Variants in PHF21A observed in about 807,000 individuals in gnomAD.
The protein encoded by PHF21A is PHD finger protein 21A, also known as BHC80a.
PHF21A carries 11 observed loss-of-function variants against 82.5 expected under a neutral mutation model. That is an observed-to-expected ratio of 0.13 (90% CI 0.08 to 0.22). The LOEUF is 0.22. PHF21A is among the 10% of genes least tolerant of loss of function. The probability of loss-of-function intolerance (pLI) is 1.00; values close to 1 mark genes in which losing one functional copy is unlikely to be tolerated. For missense variants in PHF21A, 579 were observed against 837.8 expected (o/e 0.69, Z 3.81); for synonymous variants, 297 against 302.8 (o/e 0.98, Z 0.20).
In PHF21A at chr11:46,076,740, C is replaced by G. The variant is rs372688832; in HGVS notation, c.153+14G>C. The G allele has an allele frequency of 1.6e-4, 249 of 1,603,468 alleles. No homozygotes were observed. Among genetic ancestry groups the G allele is most frequent in the Non-Finnish European group, 2.0e-4 (234 of 1,172,014 alleles). On this transcript the variant is annotated intron_variant, in intron 6 of 18. Transcript: ENST00000676320. ...ACAACGTTAAAAATATGCCCCCCTCCCCTTTTCCCCTACCTGTTTCTCACT... is the reference window on the plus strand; with the variant it reads ...ACAACGTTAAAAATATGCCCCCCTCGCCTTTTCCCCTACCTGTTTCTCACT...
intron 8 of PHF21A, 55 bp downstream of exon 8, chr11:45,971,061 A>T (rs1315240214): frequency 3.1e-6 from 5 of 1,590,102 alleles, no homozygotes; most frequent in Non-Finnish European, 4.3e-6. Flanking sequence ...TACTATACAA[A>T]TGCGTATCCT....
chr11:46,002,476 G>A (rs981191037), intron 6 of PHF21A, among the ~76,000 whole-genome samples: 3 of 151,822 alleles, frequency 2.0e-5, no homozygotes, highest in Non-Finnish European at 4.4e-5. Flanking sequence ...ATTTATTTGA[G>A]AACCACCCTC....
chr11:45,949,057 T>C (rs896089238), intron 13 of PHF21A, 111 bp from the exon 14 acceptor site: 181 of 858,714 alleles, frequency 2.1e-4, no homozygotes, highest in Non-Finnish European at 4.0e-5. Context: ...GACTAGTTAG[T>C]GCTAATCATC....
chr11:46,066,607 T>C (rs2096597116), intron 6 of PHF21A, among the ~76,000 whole-genome samples: 1 of 152,058 alleles, frequency 6.6e-6, no homozygotes. Flanking sequence ...GCTCAGGTGG[T>C]AGGATTACTT....
At chr11:46,015,511 T>C (rs1288642155) in intron 6 of PHF21A, among the ~76,000 whole-genome samples, 1 of 152,140 alleles carries the variant, frequency 6.6e-6, no homozygotes, top group African/African-American at 2.4e-5. Context: ...TAAATTAACC[T>C]TAGCTTAGTG....
rs756203063 is a variant in PHF21A at position 45,938,276 on chromosome 11, T to G, written c.1489A>C (p.Lys497Gln). The change falls in exon 16 of 19, where the codon AAA becomes CAA. Residue 497 changes from lysine to glutamine, a missense_variant. By Grantham distance (53) the Lys-to-Gln change is moderately conservative. Transcript: ENST00000676320. ...TCGCACATCAGTAACTGGCCACTTT[T>G]TCTGCAAACGCTGCAAAAATCCTCA... ...IHEDFCSVCR[K>Q]SGQLLMCDTC... 1.2e-6 allele frequency: 2 copies of G among 1,611,616 alleles called. No individual in the cohort carries two copies. The highest frequency in any genetic ancestry group is 3.4e-5 in the Admixed American group (2 of 59,614).
chr11:46,030,457 C>T lies in PHF21A; in HGVS notation c.153+46297G>A, dbSNP rs140067410. On this transcript the variant is annotated intron_variant, in intron 6 of 18. Transcript: ENST00000676320. ...TCTTTGAACCAATGGGGGCTAATAT[C>T]AGATTTCAATACCAGCATTTTAAAA... 2.1e-3 allele frequency among the ~76,000 whole-genome samples: 318 copies of T among 152,248 alleles called. 3 individuals are homozygous for T. The highest frequency in any genetic ancestry group is 7.1e-3 in the African/African-American group (295 of 41,556).
intron 8 of PHF21A, 87 bp downstream of exon 8, chr11:45,971,029 C>T: frequency 7.0e-7 from 1 of 1,432,726 alleles, no homozygotes; most frequent in Non-Finnish European, 9.4e-7. Context: ...CTGAGAAATC[C>T]AGCAGGAGCC....
At chr11:46,029,971 C>T (rs1005185358) in intron 6 of PHF21A, among the ~76,000 whole-genome samples, 13 of 152,140 alleles carry the variant, frequency 8.5e-5, no homozygotes, top group Non-Finnish European at 1.5e-4. Flanking sequence ...GTCTTTATAA[C>T]TTGATTTGAT....
intron 1 of PHF21A, among the ~76,000 whole-genome samples, chr11:46,094,018 A>G (rs994059876): frequency 6.6e-6 from 1 of 152,200 alleles, no homozygotes; most frequent in African/African-American, 2.4e-5. Context: ...GAAAAGGTAA[A>G]CCACAGAATC....
chr11:46,008,971 C>CTTTTT (rs368337006), intron 6 of PHF21A, among the ~76,000 whole-genome samples: 7 of 111,580 alleles, frequency 6.3e-5, no homozygotes, highest in Non-Finnish European at 1.1e-4. Flanking sequence ...TCACATTTCA[C>CTTTTT]TTTTTTTTTT....
chr11:46,118,590 T>C (rs574158965), intron 1 of PHF21A, among the ~76,000 whole-genome samples: 17 of 152,198 alleles, frequency 1.1e-4, no homozygotes, highest in Admixed American at 5.2e-4. Context: ...GTACACAAAA[T>C]TTCCTCTTTG....
chr11:46,079,120 A>C lies in PHF21A; in HGVS notation c.87+14T>G. ...TAAATTTAACAATTAAATGAATAAC[A>C]ATAGTAGTTTTACCTGTGGATCCTG... On this transcript the variant is annotated intron_variant, in intron 5 of 18. Coordinates refer to ENST00000676320, the MANE Select transcript of PHF21A (RefSeq NM_001352027.3). The C allele has an allele frequency of 6.7e-7, 1 of 1,503,540 alleles. No individual in the cohort carries two copies. Among genetic ancestry groups the C allele is most frequent in the East Asian group, 2.3e-5 (1 of 44,060 alleles). The allele number at this position is 1,503,540 out of a possible 1,614,324, so 93.1% of individuals were successfully genotyped here. A position where few individuals can be genotyped will look rare whatever the true frequency, so the allele number is the denominator to read the frequency against.
intron 3 of PHF21A, among the ~76,000 whole-genome samples, chr11:46,089,471 CA>C (rs779287493): frequency 1.3e-4 from 19 of 151,928 alleles, no homozygotes; most frequent in Non-Finnish European, 2.2e-4. Context: ...TATCATTTAG[CA>C]AATTTTCAAC....
intron 18 of PHF21A, chr11:45,935,125 A>G: frequency 7.8e-7 from 1 of 1,289,420 alleles, no homozygotes; most frequent in South Asian, 1.2e-5. Context: ...ACTTACTTCC[A>G]ATACTTGTCT....
intron 6 of PHF21A, among the ~76,000 whole-genome samples, chr11:46,053,616 T>C (rs531241045): frequency 1.3e-5 from 2 of 152,220 alleles, no homozygotes; most frequent in East Asian, 1.9e-4. Context: ...CAGTGTTTCA[T>C]ACAGGCTGAA....
At chr11:45,972,564 G>A (rs2093820851) in intron 7 of PHF21A, among the ~76,000 whole-genome samples, 1 of 152,210 alleles carries the variant, frequency 6.6e-6, no homozygotes, top group Non-Finnish European at 1.5e-5. Flanking sequence ...GATCGTCTGA[G>A]GTCAGGAGTT....
At chr11:45,968,654 C>T (rs2093585230) in intron 9 of PHF21A, among the ~76,000 whole-genome samples, 1 of 152,088 alleles carries the variant, frequency 6.6e-6, no homozygotes. Context: ...GCAGGCCGGG[C>T]GCGGTGGCTC....
chr11:46,008,948 T>C (rs896729102), intron 6 of PHF21A, among the ~76,000 whole-genome samples: 36 of 149,388 alleles, frequency 2.4e-4, no homozygotes, highest in Non-Finnish European at 1.3e-4. Flanking sequence ...CTCAGTGAAC[T>C]CAACAAATTG....
Sources: gnomAD v4.1 joint callset for allele counts (sites outside exome capture counted in the v4.1 genomes callset) on GRCh38, gnomAD v4.1.1 for gene constraint, MANE v1.5 for transcripts, NCBI Gene and HGNC (gene_info 2026-07-23, HGNC 2026-07-21) for gene names.